Variants in PLXNA4 observed in about 807,000 individuals in gnomAD.
PLXNA4 encodes plexin-A4.
Under a neutral mutation model 191.8 loss-of-function variants are expected in PLXNA4, and 44 were observed. That is an observed-to-expected ratio of 0.23 (90% CI 0.18 to 0.29). The LOEUF is 0.29. Among genes scored for constraint, PLXNA4 ranks in the 10% least tolerant of loss-of-function variants. PLXNA4 has a pLI of 1.00. For synonymous variants in PLXNA4, 1,082 were observed against 1,009.5 expected (o/e 1.07, Z -1.36); for missense variants, 1,800 against 2,488.8 (o/e 0.72, Z 5.89).
At chr7:132,445,032 G>A (rs151320945) in intron 3 of PLXNA4, among the ~76,000 whole-genome samples, 5,263 of 151,300 alleles carry the variant, frequency 0.035, 299 homozygotes, top group East Asian at 0.27. Context: ...CAGGCACCCT[G>A]TAGTCCCAGC....
chr7:132,510,636 G>A lies in PLXNA4; in HGVS notation c.-86-1857C>T, dbSNP rs139429543. ...AAGAGAGTGCTTTGAAAGTTCCTAG[G>A]AGGAGGAAGACTTCTAACTTAGGGT... On this transcript the variant is annotated intron_variant, in intron 1 of 31. Coordinates refer to ENST00000321063, the MANE Select transcript of PLXNA4 (RefSeq NM_020911.2). Among the ~76,000 whole-genome samples, 194 of 152,306 alleles carry A rather than the reference G, an allele frequency of 1.3e-3. 2 individuals carry two copies. The highest frequency in any genetic ancestry group is 4.3e-3 in the African/African-American group (180 of 41,578).
chr7:132,408,557 G>A (rs1401340218), intron 3 of PLXNA4, among the ~76,000 whole-genome samples: 3 of 152,090 alleles, frequency 2.0e-5, no homozygotes, highest in South Asian at 2.1e-4. Flanking sequence ...TCTACCACCC[G>A]GGTTCAAGTG....
chr7:132,646,782 C>G (rs773512469), intron 1 of PLXNA4, among the ~76,000 whole-genome samples: 1 of 152,146 alleles, frequency 6.6e-6, no homozygotes, highest in Non-Finnish European at 1.5e-5. Context: ...TAGGCTGGAA[C>G]TAGGACCCAA....
rs139227007 is a variant in PLXNA4, at chr7:132,300,478, T to C, written c.1372-2256A>G. Among the ~76,000 whole-genome samples the C allele has an allele frequency of 1.4e-4, 21 of 152,362 alleles. No individual in the cohort carries two copies. The East Asian group carries it at 3.5e-3, about 25-fold the overall frequency. On this transcript the variant is annotated intron_variant, in intron 3 of 31. Transcript: ENST00000321063. Reference sequence around the variant, plus strand: ...GAATGTAGTTCAGATTCCTCTTTGATGGTTTCCCATTAAGCCCATGAAAAC... The same window carrying C: ...GAATGTAGTTCAGATTCCTCTTTGACGGTTTCCCATTAAGCCCATGAAAAC...
intron 3 of PLXNA4, among the ~76,000 whole-genome samples, chr7:132,381,559 T>C (rs969210511): frequency 3.9e-5 from 6 of 152,232 alleles, no homozygotes; most frequent in Non-Finnish European, 8.8e-5. Flanking sequence ...TAAAAACATC[T>C]ATTTAAATTT....
chr7:132,162,445 T>G (rs1337364603), intron 24 of PLXNA4, among the ~76,000 whole-genome samples: 1 of 152,200 alleles, frequency 6.6e-6, no homozygotes, highest in Non-Finnish European at 1.5e-5. Context: ...CTACCAGTAC[T>G]GTGGCCTCTG....
intron 4 of PLXNA4, among the ~76,000 whole-genome samples, chr7:132,253,418 T>A (rs1435250971): frequency 6.6e-6 from 1 of 151,990 alleles, no homozygotes; most frequent in Non-Finnish European, 1.5e-5. Flanking sequence ...TTTTTGTACT[T>A]CTTTTTTGTA....
At chr7:132,486,982 A>T (rs935160669) in intron 3 of PLXNA4, among the ~76,000 whole-genome samples, 1 of 152,218 alleles carries the variant, frequency 6.6e-6, no homozygotes, top group African/African-American at 2.4e-5. Context: ...TTCCACAGGC[A>T]AGAGAGTACC....
At chr7:132,163,992 CA>C in intron 24 of PLXNA4, 149 bp downstream of exon 24, 3 of 1,290,036 alleles carry the variant, frequency 2.3e-6, no homozygotes, top group South Asian at 1.5e-5. Context: ...GGGTGATGGA[CA>C]CAGCGGGAGC....
chr7:132,332,486 G>T (rs1802627757), intron 3 of PLXNA4, among the ~76,000 whole-genome samples: 1 of 152,104 alleles, frequency 6.6e-6, no homozygotes, highest in Admixed American at 6.6e-5. Context: ...AATCATCTAT[G>T]GGAAGTTGGC....
chr7:132,454,707 A>G (rs1229503913), intron 3 of PLXNA4, among the ~76,000 whole-genome samples: 1 of 151,944 alleles, frequency 6.6e-6, no homozygotes, highest in Non-Finnish European at 1.5e-5. Flanking sequence ...TGGTGTCCTT[A>G]TAAGAAGAGG....
chr7:132,552,709 C>A (rs1420096857), intron 1 of PLXNA4, among the ~76,000 whole-genome samples: 1 of 152,200 alleles, frequency 6.6e-6, no homozygotes. Flanking sequence ...TGGAGACACA[C>A]CCCCTTTGGG....
At chr7:132,627,537 A>C (rs1234432149) in intron 2 of PLXNA4, among the ~76,000 whole-genome samples, 1 of 152,186 alleles carries the variant, frequency 6.6e-6, no homozygotes, top group Non-Finnish European at 1.5e-5. Flanking sequence ...TATATGTCCC[A>C]CACACACAAA....
At chr7:132,516,152 C>G (rs906857455) in intron 1 of PLXNA4, among the ~76,000 whole-genome samples, 2 of 152,132 alleles carry the variant, frequency 1.3e-5, no homozygotes, top group Non-Finnish European at 2.9e-5. Flanking sequence ...CAGGGACCAA[C>G]CTAAAAAACT....
chr7:132,306,169 A>G (rs977178152), intron 3 of PLXNA4, among the ~76,000 whole-genome samples: 3 of 152,148 alleles, frequency 2.0e-5, no homozygotes, highest in African/African-American at 7.2e-5. Flanking sequence ...GGCGCCCCAT[A>G]TTCCAGCCAT....
chr7:132,427,484 C>T (rs1209355355), intron 3 of PLXNA4, among the ~76,000 whole-genome samples: 2 of 152,182 alleles, frequency 1.3e-5, no homozygotes, highest in African/African-American at 2.4e-5. Flanking sequence ...GGCCCCCACC[C>T]ACCCAGTCAT....
In PLXNA4 at chr7:132,145,743, G is replaced by T. The variant is rs533637113; in HGVS notation, c.5056-455C>A. ...GTCTCAGGAGTGAAAGACTAGCACT[G>T]CAGGCAAGCAACGTCCCCAGAACCA... On this transcript the variant is annotated intron_variant, in intron 28 of 31. Transcript: ENST00000321063. 8.4e-4 allele frequency among the ~76,000 whole-genome samples: 127 copies of T among 152,038 alleles called. 4 individuals carry two copies. In the South Asian group the frequency reaches 0.026, roughly 31 times the overall value.
intron 3 of PLXNA4, among the ~76,000 whole-genome samples, chr7:132,340,367 C>T (rs1053287440): frequency 1.3e-5 from 2 of 152,214 alleles, no homozygotes; most frequent in African/African-American, 4.8e-5. Context: ...GGCACTGTTG[C>T]TAGGCAACCA....
chr7:132,431,812 T>C (rs1269406812), intron 3 of PLXNA4, among the ~76,000 whole-genome samples: 1 of 152,048 alleles, frequency 6.6e-6, no homozygotes, highest in Admixed American at 6.6e-5. Context: ...TAAATAAGGG[T>C]ACGTGAGATA....
Sources: allele counts gnomAD v4.1 joint callset (sites outside exome capture counted in the v4.1 genomes callset), GRCh38; gene constraint gnomAD v4.1.1; transcripts MANE v1.5; gene names NCBI Gene and HGNC (gene_info 2026-07-23, HGNC 2026-07-21).